Variants in EPHA5 observed in about 807,000 individuals in gnomAD.
The protein encoded by EPHA5 is ephrin type-A receptor 5.
EPHA5 carries 60 observed loss-of-function variants against 105.0 expected under a neutral mutation model. That is an observed-to-expected ratio of 0.57 (90% confidence interval 0.46 to 0.71). The LOEUF is 0.71. Ranked by LOEUF, EPHA5 falls within the 30% of genes least tolerant of loss-of-function variation. The pLI, the probability that EPHA5 is intolerant of heterozygous loss-of-function variation, is 0.00. For missense variants in EPHA5, 1,218 were observed against 1,274.7 expected, an observed-to-expected ratio of 0.96 and a Z score of 0.68; for synonymous variants, 513 against 449.1, an observed-to-expected ratio of 1.14 and a Z score of -1.80.
At chr4:65,637,464 C>T (rs1017897841) in intron 2 of EPHA5, among the ~76,000 whole-genome samples, 2 of 150,492 alleles carry the variant, frequency 1.3e-5, no homozygotes, top group African/African-American at 4.9e-5. Flanking sequence ...CTCTGGCTTC[C>T]TGAAATATCC....
intron 15 of EPHA5, among the ~76,000 whole-genome samples, chr4:65,334,146 T>G (rs1313441835): frequency 6.6e-6 from 1 of 151,948 alleles, no homozygotes; most frequent in Non-Finnish European, 1.5e-5. Flanking sequence ...AAGTTTTTAT[T>G]TTGTTCAGTG....
chr4:65,518,430 C>T (rs1460000024), intron 3 of EPHA5, among the ~76,000 whole-genome samples: 2 of 151,818 alleles, frequency 1.3e-5, no homozygotes, highest in Admixed American at 1.3e-4. Flanking sequence ...CACACACACA[C>T]ACACCCACAC....
At chr4:65,570,469 C>T (rs1314160641) in intron 3 of EPHA5, among the ~76,000 whole-genome samples, 1 of 151,440 alleles carries the variant, frequency 6.6e-6, no homozygotes, top group Non-Finnish European at 1.5e-5. Flanking sequence ...CCCACTCTAC[C>T]CTCATACATA....
At chr4:65,414,840 T>A (rs1021188507) in intron 6 of EPHA5, among the ~76,000 whole-genome samples, 1 of 152,174 alleles carries the variant, frequency 6.6e-6, no homozygotes, top group Non-Finnish European at 1.5e-5. Flanking sequence ...ATACAGAAAG[T>A]TAACAACATC....
intron 8 of EPHA5, among the ~76,000 whole-genome samples, chr4:65,401,785 A>T (rs1265131417): frequency 6.6e-6 from 1 of 151,970 alleles, no homozygotes; most frequent in Admixed American, 6.6e-5. Flanking sequence ...TTGGCAGAAA[A>T]TTAAGCTATG....
chr4:65,541,546 GCTAA>G (rs936553262), intron 3 of EPHA5, among the ~76,000 whole-genome samples: 1 of 151,888 alleles, frequency 6.6e-6, no homozygotes. Context: ...AACAAGAAGA[GCTAA>G]CTGTCACAAA....
chr4:65,462,187 A>G (rs1434988419), intron 5 of EPHA5, among the ~76,000 whole-genome samples: 1 of 152,192 alleles, frequency 6.6e-6, no homozygotes. Flanking sequence ...TCTCAAGCCA[A>G]ATTCTTTAGG....
chr4:65,582,378 A>G (rs1741711314), intron 3 of EPHA5, among the ~76,000 whole-genome samples: 1 of 151,548 alleles, frequency 6.6e-6, no homozygotes, highest in African/African-American at 2.4e-5. Flanking sequence ...AGATAAGCAA[A>G]GTCAGGTATT....
chr4:65,518,879 C>T (rs1168438978), intron 3 of EPHA5, among the ~76,000 whole-genome samples: 1 of 152,098 alleles, frequency 6.6e-6, no homozygotes, highest in African/African-American at 2.4e-5. Flanking sequence ...AGAATTCTAC[C>T]AGAGGTACGA....
chr4:65,652,702 T>A lies in EPHA5; in HGVS notation c.182-9275A>T, dbSNP rs1277330075. ...GAGATCAATTACTGAAAATCTTATG[T>A]TACAGAAGCCAGCATCACCATAATG... On this transcript the variant is annotated intron_variant, in intron 1 of 16. Coordinates refer to ENST00000613740, the MANE Select transcript of EPHA5 (RefSeq NM_001281766.3). Among the ~76,000 whole-genome samples the A allele has an allele frequency of 3.3e-5, 5 of 152,248 alleles. No homozygotes were observed. In the East Asian group the frequency reaches 9.7e-4, roughly 29 times the overall value.
intron 7 of EPHA5, among the ~76,000 whole-genome samples, chr4:65,412,230 T>G (rs1722979592): frequency 6.6e-6 from 1 of 152,118 alleles, no homozygotes; most frequent in African/African-American, 2.4e-5. Flanking sequence ...TCTCTCAATA[T>G]AAATAAATAA....
chr4:65,587,021 T>C (rs891754523), intron 3 of EPHA5, among the ~76,000 whole-genome samples: 1 of 152,148 alleles, frequency 6.6e-6, no homozygotes, highest in African/African-American at 2.4e-5. Context: ...GATATTTTTA[T>C]TTTTGCTTTT....
chr4:65,510,315 G>A (rs1377414655), intron 3 of EPHA5, among the ~76,000 whole-genome samples: 5 of 151,684 alleles, frequency 3.3e-5, no homozygotes, highest in Admixed American at 1.3e-4. Context: ...AAAGTGCTGG[G>A]ATTACAGGCA....
At chr4:65,596,327 T>C (rs992308485) in intron 3 of EPHA5, among the ~76,000 whole-genome samples, 1 of 152,122 alleles carries the variant, frequency 6.6e-6, no homozygotes, top group Non-Finnish European at 1.5e-5. Context: ...TGGGGTGTCC[T>C]ACTGCGTCTA....
intron 3 of EPHA5, among the ~76,000 whole-genome samples, chr4:65,594,419 A>G (rs569615014): frequency 3.9e-5 from 6 of 152,316 alleles, no homozygotes; most frequent in South Asian, 2.1e-4. Context: ...GGAACATGTC[A>G]TCATCATATA....
intron 1 of EPHA5, among the ~76,000 whole-genome samples, chr4:65,654,485 G>A (rs1748889529): frequency 6.6e-6 from 1 of 151,384 alleles, no homozygotes; most frequent in Non-Finnish European, 1.5e-5. Context: ...AGATACATCA[G>A]TAAATAAAAC....
At chr4:65,578,466 G>A (rs976806075) in intron 3 of EPHA5, among the ~76,000 whole-genome samples, 9 of 152,028 alleles carry the variant, frequency 5.9e-5, no homozygotes, top group African/African-American at 1.4e-4. Flanking sequence ...GTCACCAGAG[G>A]GGCACACACA....
At chr4:65,427,476 C>T (rs1157909234) in intron 5 of EPHA5, among the ~76,000 whole-genome samples, 1 of 151,980 alleles carries the variant, frequency 6.6e-6, no homozygotes, top group Non-Finnish European at 1.5e-5. Flanking sequence ...TCACCGCGCC[C>T]CGTCCTTGAG....
At chr4:65,388,019 C>A (rs530543951) in intron 8 of EPHA5, among the ~76,000 whole-genome samples, 1 of 133,006 alleles carries the variant, frequency 7.5e-6, no homozygotes, top group Admixed American at 8.1e-5. Flanking sequence ...TTCCTGTGTC[C>A]ATGTGTTCTC....
Sources: gnomAD v4.1 joint callset for allele counts (sites outside exome capture counted in the v4.1 genomes callset) on GRCh38, gnomAD v4.1.1 for gene constraint, MANE v1.5 for transcripts, NCBI Gene and HGNC (gene_info 2026-07-23, HGNC 2026-07-21) for gene names.